Variants in DENND1B observed in about 807,000 individuals in gnomAD.
DENND1B encodes the protein DENN domain-containing protein 1B.
In DENND1B, 59 loss-of-function variants were observed where a neutral mutation model predicts 90.1. The observed-to-expected ratio is 0.65, with a 90% CI of 0.53 to 0.81. The LOEUF is 0.81. Among genes scored for constraint, DENND1B ranks in the 40% least tolerant of loss-of-function variants. The probability of loss-of-function intolerance (pLI) is 0.00; values close to 1 mark genes in which losing one functional copy is unlikely to be tolerated. For synonymous variants in DENND1B, 337 were observed against 324.6 expected (o/e 1.04, Z -0.41); for missense variants, 862 against 912.6 (o/e 0.94, Z 0.71).
chr1:197,562,396 G>A (rs1393701360), intron 15 of DENND1B, among the ~76,000 whole-genome samples: 2 of 151,834 alleles, frequency 1.3e-5, no homozygotes, highest in African/African-American at 4.8e-5. Flanking sequence ...TGCTTACTTT[G>A]TGTCCCTGTG....
At chr1:197,569,697 C>T (rs1672989836) in intron 15 of DENND1B, among the ~76,000 whole-genome samples, 1 of 151,766 alleles carries the variant, frequency 6.6e-6, no homozygotes, top group Non-Finnish European at 1.5e-5. Flanking sequence ...AGCCAGGCAT[C>T]AAAAGACAAA....
intron 15 of DENND1B, among the ~76,000 whole-genome samples, chr1:197,573,110 T>G (rs1451494177): frequency 6.6e-6 from 1 of 152,212 alleles, no homozygotes; most frequent in Non-Finnish European, 1.5e-5. Flanking sequence ...TCATTAATTT[T>G]TTGAAGGGTT....
chr1:197,586,351 TTTAA>T (rs1674694583), intron 14 of DENND1B, among the ~76,000 whole-genome samples: 2 of 152,358 alleles, frequency 1.3e-5, no homozygotes, highest in East Asian at 1.9e-4. Flanking sequence ...TATATTCATA[TTTAA>T]TTAGTTTATA....
chr1:197,514,917 TG>T (rs1668292978), intron 20 of DENND1B, among the ~76,000 whole-genome samples: 1 of 151,656 alleles, frequency 6.6e-6, no homozygotes, highest in Non-Finnish European at 1.5e-5. Flanking sequence ...TTTCTGTAGA[TG>T]GGAAATGGCA....
Position 197,540,075 on chromosome 1 carries a change from C to T in DENND1B, c.1408-4G>A. 1.9e-6 allele frequency: 3 copies of T among 1,590,426 alleles called. No homozygotes were observed. Among genetic ancestry groups the T allele is most frequent in the Non-Finnish European group, 2.6e-6 (3 of 1,165,642 alleles). ...TCCCATAATCTTCTTCATTTTCCTA[C>T]ACATGAAAAAATATACAGGCAATAA... On this transcript the variant is annotated splice_polypyrimidine_tract_variant and splice_region_variant and intron_variant, in intron 19 of 22. Coordinates refer to ENST00000620048, the MANE Select transcript of DENND1B (RefSeq NM_001195215.2).
intron 3 of DENND1B, among the ~76,000 whole-genome samples, chr1:197,695,794 T>G (rs1300343385): frequency 2.0e-5 from 3 of 151,200 alleles, no homozygotes; most frequent in Non-Finnish European, 4.5e-5. Context: ...AAATATTTAT[T>G]TTCAGAGTAT....
chr1:197,716,938 C>A (rs1458219083), intron 2 of DENND1B, among the ~76,000 whole-genome samples: 4 of 151,898 alleles, frequency 2.6e-5, no homozygotes, highest in Non-Finnish European at 2.9e-5. Flanking sequence ...CTTTTCCTCA[C>A]TACCATTTTT....
At chr1:197,754,008 A>G (rs758153582) in intron 2 of DENND1B, among the ~76,000 whole-genome samples, 1 of 151,822 alleles carries the variant, frequency 6.6e-6, no homozygotes, top group Non-Finnish European at 1.5e-5. Context: ...CAAAAAAACA[A>G]TAAAATAAAA....
chr1:197,742,891 T>C (rs867121097), intron 2 of DENND1B, among the ~76,000 whole-genome samples: 15 of 152,142 alleles, frequency 9.9e-5, no homozygotes, highest in Non-Finnish European at 5.9e-5. Context: ...AATAGCTGAA[T>C]GGAGATTCTG....
chr1:197,623,372 G>A (rs185530553), intron 10 of DENND1B, among the ~76,000 whole-genome samples: 161 of 151,374 alleles, frequency 1.1e-3, no homozygotes, highest in Admixed American at 2.2e-3. Context: ...GAAAAAAACT[G>A]TTTAAACACA....
chr1:197,780,896 G>A, the DENND1B span, among the ~76,000 whole-genome samples: 4 of 152,094 alleles, frequency 2.6e-5, no homozygotes, highest in African/African-American at 9.7e-5. Flanking sequence ...TATTAATGGT[G>A]TAGAGAAACC....
intron 3 of DENND1B, among the ~76,000 whole-genome samples, chr1:197,704,603 G>T (rs1210471491): frequency 6.6e-6 from 1 of 152,138 alleles, no homozygotes; most frequent in Non-Finnish European, 1.5e-5. Flanking sequence ...TGCCATGTCA[G>T]TTGTCCCACT....
At chr1:197,756,131 C>CA (rs1160772997) in intron 2 of DENND1B, among the ~76,000 whole-genome samples, 1 of 152,228 alleles carries the variant, frequency 6.6e-6, no homozygotes, top group Admixed American at 6.5e-5. Context: ...AATTATCCTA[C>CA]ACATAGTCTA....
chr1:197,558,533 G>A (rs1671896478), intron 15 of DENND1B, among the ~76,000 whole-genome samples: 1 of 151,568 alleles, frequency 6.6e-6, no homozygotes, highest in Non-Finnish European at 1.5e-5. Context: ...TAACACCAGA[G>A]GCCACGCTCT....
chr1:197,623,910 A>G (rs1414946265), intron 10 of DENND1B, among the ~76,000 whole-genome samples: 3 of 151,570 alleles, frequency 2.0e-5, no homozygotes, highest in African/African-American at 7.3e-5. Flanking sequence ...AAAACTAAAG[A>G]CTCTGATAAA....
chr1:197,536,117 GGAGA>G (rs1056236199), intron 20 of DENND1B, among the ~76,000 whole-genome samples: 1 of 134,156 alleles, frequency 7.5e-6, no homozygotes, highest in African/African-American at 2.8e-5. Flanking sequence ...ACGGAGGGAG[GGAGA>G]GAGGGAGAGA....
intron 7 of DENND1B, among the ~76,000 whole-genome samples, chr1:197,647,368 A>G (rs1294571606): frequency 6.6e-6 from 1 of 151,980 alleles, no homozygotes; most frequent in Non-Finnish European, 1.5e-5. Flanking sequence ...ATGTTTCAAA[A>G]AAAAGCATTC....
At chr1:197,578,677 C>T (rs559554142) in intron 15 of DENND1B, among the ~76,000 whole-genome samples, 146 of 152,240 alleles carry the variant, frequency 9.6e-4, no homozygotes, top group African/African-American at 3.4e-3. Context: ...CATAAACACA[C>T]ACTATTGTCA....
intron 5 of DENND1B, among the ~76,000 whole-genome samples, chr1:197,669,599 T>C (rs1352495472): frequency 6.6e-6 from 1 of 152,132 alleles, no homozygotes; most frequent in Non-Finnish European, 1.5e-5. Flanking sequence ...TCCCTTCACA[T>C]ACTGTCTTTC....
Sources: allele counts gnomAD v4.1 joint callset (sites outside exome capture counted in the v4.1 genomes callset), GRCh38; gene constraint gnomAD v4.1.1; transcripts MANE v1.5; gene names NCBI Gene and HGNC (gene_info 2026-07-23, HGNC 2026-07-21).